Variants in MSRA observed in about 807,000 individuals in gnomAD.
MSRA encodes mitochondrial peptide methionine sulfoxide reductase.
A neutral mutation model predicts 31.3 loss-of-function variants in MSRA; 54 were observed. That is an observed-to-expected ratio of 1.73 (90% CI 1.39 to 2.17). The LOEUF is 2.17. Among genes scored for constraint, MSRA ranks in the 30% most tolerant of loss-of-function variants. The probability of loss-of-function intolerance (pLI) is 0.00; values close to 1 mark genes in which losing one functional copy is unlikely to be tolerated. For synonymous variants in MSRA, 169 were observed against 116.5 expected, an observed-to-expected ratio of 1.45 and a Z score of -2.90; for missense variants, 507 against 300.9, an observed-to-expected ratio of 1.69 and a Z score of -5.07.
chr8:10,114,077 GGC>G, intron 1 of MSRA, among the ~76,000 whole-genome samples: 1 of 152,040 alleles, frequency 6.6e-6, no homozygotes, highest in South Asian at 2.1e-4. Context: ...GCTGGTCATT[GGC>G]ATCTGGCTTC....
chr8:10,071,677 T>G (rs1367367745), intron 1 of MSRA, among the ~76,000 whole-genome samples: 1 of 152,178 alleles, frequency 6.6e-6, no homozygotes, highest in Non-Finnish European at 1.5e-5. Context: ...CATTTTGAGA[T>G]AATTTTTGTT....
intron 5 of MSRA, among the ~76,000 whole-genome samples, chr8:10,358,364 A>G (rs1050118282): frequency 5.3e-5 from 8 of 152,106 alleles, no homozygotes; most frequent in African/African-American, 1.9e-4. Context: ...ACAGTTAAAC[A>G]TTTTTTAATC....
At position 10,319,899 on chromosome 8, in the gene MSRA, C is replaced by T. The variant is rs756729297; in HGVS notation, c.453C>T (p.Asn151=). The change falls in exon 5 of 6, where the codon AAC becomes AAT. Residue 151 remains asparagine (N), a synonymous_variant. Transcript: ENST00000317173. ...HDPTQGMRQG[N]DHGTQYRSAI... The stretch of plus-strand genomic sequence containing the variant: ...CTTTCCTAGGTATGCGCCAGGGGAA[C>T]GACCATGGCACTCAGTACCGCTCGG... 25 of 1,557,378 alleles carry T rather than the reference C, an allele frequency of 1.6e-5. No homozygotes were observed. Among genetic ancestry groups the T allele is most frequent in the African/African-American group, 1.5e-4 (11 of 72,898 alleles).
intron 2 of MSRA, among the ~76,000 whole-genome samples, chr8:10,212,607 T>C (rs1809601646): frequency 6.6e-6 from 1 of 152,242 alleles, no homozygotes; most frequent in Admixed American, 6.5e-5. Context: ...TCATAAAACC[T>C]AGTTTGTGAT....
intron 1 of MSRA, among the ~76,000 whole-genome samples, chr8:10,157,562 G>A (rs1694508082): frequency 6.6e-6 from 1 of 152,080 alleles, no homozygotes; most frequent in South Asian, 2.1e-4. Flanking sequence ...TTAGGGGTCT[G>A]TAGGCAATGT....
chr8:10,130,300 C>G (rs145769384), intron 1 of MSRA, among the ~76,000 whole-genome samples: 1 of 152,310 alleles, frequency 6.6e-6, no homozygotes, highest in African/African-American at 2.4e-5. Context: ...AGGATAACAA[C>G]TTTTCAGGGG....
chr8:10,387,278 A>C (rs1471785215), intron 5 of MSRA, among the ~76,000 whole-genome samples: 1 of 152,244 alleles, frequency 6.6e-6, no homozygotes, highest in Admixed American at 6.5e-5. Context: ...GAAGCAGGTA[A>C]AACAGAGCAA....
chr8:10,276,641 G>A (rs1372260000), intron 3 of MSRA, among the ~76,000 whole-genome samples: 2 of 152,206 alleles, frequency 1.3e-5, no homozygotes, highest in African/African-American at 4.8e-5. Context: ...ATTTGGAGCA[G>A]CATGCGTGTC....
intron 2 of MSRA, among the ~76,000 whole-genome samples, chr8:10,232,623 T>G (rs1423188303): frequency 6.6e-6 from 1 of 152,200 alleles, no homozygotes; most frequent in Non-Finnish European, 1.5e-5. Flanking sequence ...TTTATGAAAA[T>G]TTGAACTTTC....
chr8:10,304,216 C>G (rs1801003847), intron 4 of MSRA, among the ~76,000 whole-genome samples: 1 of 152,200 alleles, frequency 6.6e-6, no homozygotes, highest in South Asian at 2.1e-4. Flanking sequence ...GGATTGCAGG[C>G]GTGAGCCACT....
At chr8:10,260,658 CT>C (rs1172386925) in intron 3 of MSRA, among the ~76,000 whole-genome samples, 2 of 152,044 alleles carry the variant, frequency 1.3e-5, no homozygotes, top group African/African-American at 4.8e-5. Context: ...ACAGGTGCCC[CT>C]GATGTGAAAG....
intron 1 of MSRA, among the ~76,000 whole-genome samples, chr8:10,087,468 A>T (rs1048754067): frequency 6.6e-6 from 1 of 152,202 alleles, no homozygotes; most frequent in Non-Finnish European, 1.5e-5. Flanking sequence ...GAGTGAATGG[A>T]TGTGTCTAAC....
chr8:10,139,589 G>C (rs1466765589), intron 1 of MSRA, among the ~76,000 whole-genome samples: 2 of 152,092 alleles, frequency 1.3e-5, no homozygotes, highest in Non-Finnish European at 2.9e-5. Context: ...CACATTATTT[G>C]GCTGCCACTT....
At chr8:10,188,763 T>C (rs1807269562) in intron 1 of MSRA, among the ~76,000 whole-genome samples, 1 of 152,250 alleles carries the variant, frequency 6.6e-6, no homozygotes, top group Admixed American at 6.5e-5. Flanking sequence ...ATTACCACAC[T>C]GTCTTGATTA....
chr8:10,428,509 T>C lies in MSRA; in HGVS notation c.*197T>C. 2 of 582,374 alleles carry C rather than the reference T, an allele frequency of 3.4e-6. No individual in the cohort carries two copies. Among genetic ancestry groups the C allele is most frequent in the East Asian group, 3.2e-5 (1 of 31,120 alleles). 36.1% of individuals were successfully genotyped at this position (582,374 alleles called of 1,614,324 possible). Reference sequence around the variant, plus strand: ...AAAATGTGACTTATCTCCTAATAAGTTATGGTGGGAGTGGAGCTGTGCAGT... The same window carrying C: ...AAAATGTGACTTATCTCCTAATAAGCTATGGTGGGAGTGGAGCTGTGCAGT... On this transcript the variant is annotated 3_prime_UTR_variant, in exon 6 of 6. Coordinates refer to ENST00000317173, the MANE Select transcript of MSRA (RefSeq NM_012331.5).
chr8:10,059,020 C>G (rs1484995442), intron 1 of MSRA: 2 of 152,082 alleles, frequency 1.3e-5, no homozygotes, highest in East Asian at 3.9e-4. Flanking sequence ...TGTGATCAGA[C>G]AAAGCAATTC....
rs543136866 is a variant in MSRA at position 10,359,060 on chromosome 8, T to C, written c.543+39071T>C. Among the ~76,000 whole-genome samples the C allele has an allele frequency of 1.3e-3, 191 of 152,140 alleles. 1 individual carries two copies. The highest frequency in any genetic ancestry group is 4.5e-3 in the African/African-American group (185 of 41,492). ...TCCCCACCCCAGGTCTATGGAAAAA[T>C]TGTCCATGGATTGATAGTGTGAAGC... is the stretch of plus-strand genomic sequence containing the variant. On this transcript the variant is annotated intron_variant, in intron 5 of 5. Transcript: ENST00000317173.
chr8:10,241,531 C>T lies in MSRA; in HGVS notation c.212-3573C>T, dbSNP rs1031545731. ...AATGGATGAAGCAAGCATTTATCTT[C>T]CCTGTCCCATGTGAATTGTACCACT... On this transcript the variant is annotated intron_variant, in intron 2 of 5. Transcript: ENST00000317173. Among the ~76,000 whole-genome samples, 3 of 152,190 alleles carry T rather than the reference C, an allele frequency of 2.0e-5. No homozygotes were observed. The East Asian group carries it at 5.8e-4, about 29-fold the overall frequency.
intron 5 of MSRA, among the ~76,000 whole-genome samples, chr8:10,364,489 A>T (rs1199832593): frequency 6.6e-6 from 1 of 152,140 alleles, no homozygotes; most frequent in African/African-American, 2.4e-5. Context: ...CAATAGCAAA[A>T]CCTTCCCCAC....
Sources: allele counts gnomAD v4.1 joint callset (sites outside exome capture counted in the v4.1 genomes callset), GRCh38; gene constraint gnomAD v4.1.1; transcripts MANE v1.5; gene names NCBI Gene and HGNC (gene_info 2026-07-23, HGNC 2026-07-21).